Variants in ANKFN1 observed in about 807,000 individuals in gnomAD.
ANKFN1 encodes the protein ankyrin repeat and fibronectin type III domain containing 1.
In ANKFN1, 74 loss-of-function variants were observed where a neutral mutation model predicts 108.7. The observed-to-expected ratio is 0.68, with a 90% CI of 0.56 to 0.83. The LOEUF is 0.83. Ranked by LOEUF, ANKFN1 falls within the 40% of genes least tolerant of loss-of-function variation. The pLI, the probability that ANKFN1 is intolerant of heterozygous loss-of-function variation, is 0.00. For missense variants in ANKFN1, 1,505 were observed against 1,382.3 expected (o/e 1.09, Z -1.41); for synonymous variants, 547 against 516.2 (o/e 1.06, Z -0.81).
chr17:56,239,757 T>A (rs1917442416), intron 3 of ANKFN1, among the ~76,000 whole-genome samples: 1 of 152,038 alleles, frequency 6.6e-6, no homozygotes, highest in Admixed American at 6.6e-5. Flanking sequence ...AAAATTCACA[T>A]GGTTCAAGTC....
chr17:56,258,865 C>T (rs956591284), intron 3 of ANKFN1, among the ~76,000 whole-genome samples: 3 of 152,000 alleles, frequency 2.0e-5, no homozygotes, highest in Admixed American at 2.0e-4. Flanking sequence ...GAGCCAAGAT[C>T]GGGCCACTGC....
At position 56,499,075 on chromosome 17, in the gene ANKFN1, T is replaced by G; in HGVS notation, c.2621T>G (p.Met874Arg). The G allele has an allele frequency of 6.5e-7, 1 of 1,535,442 alleles. No homozygotes were observed. Among genetic ancestry groups the G allele is most frequent in the Non-Finnish European group, 8.7e-7 (1 of 1,146,514 alleles). ...CCATCCCCACCCCCATCCCCAGAGATGCACAGAAGAAAGACAGTGAGTGGT... is the reference window on the plus strand; with the variant it reads ...CCATCCCCACCCCCATCCCCAGAGAGGCACAGAAGAAAGACAGTGAGTGGT... ...CLPSPPPSPE[M>R]HRRKTVSDSQ... The change falls in exon 20 of 21, where the codon ATG becomes AGG. Residue 874 changes from methionine to arginine, a missense_variant. Met to Arg is a moderately conservative substitution (Grantham distance 91, BLOSUM62 -1). Coordinates refer to ENST00000682825, the MANE Select transcript of ANKFN1 (RefSeq NM_001370326.1).
At chr17:56,188,358 T>C (rs1270749156) in intron 1 of ANKFN1, among the ~76,000 whole-genome samples, 1 of 151,714 alleles carries the variant, frequency 6.6e-6, no homozygotes, top group African/African-American at 2.4e-5. Flanking sequence ...GGAATCTCTC[T>C]TAAAATCTTC....
intron 1 of ANKFN1, among the ~76,000 whole-genome samples, chr17:56,198,532 A>G (rs1332652448): frequency 6.6e-6 from 1 of 152,102 alleles, no homozygotes; most frequent in Admixed American, 6.6e-5. Flanking sequence ...CCACCCACCA[A>G]CAGGTACCAG....
rs2051845951 is a variant in ANKFN1, at chr17:56,513,965, A to G, written c.*2696A>G. Among the ~76,000 whole-genome samples the G allele has an allele frequency of 1.3e-5, 2 of 152,200 alleles. No homozygotes were observed. The highest frequency in any genetic ancestry group is 6.5e-5 in the Admixed American group (1 of 15,286). On this transcript the variant is annotated 3_prime_UTR_variant, in exon 21 of 21. Coordinates refer to ENST00000682825, the MANE Select transcript of ANKFN1 (RefSeq NM_001370326.1). ...AATTAATACATTCTTGTGAGAGACA[A>G]CTGTGTTCTCTAATTCACAGTCCTT... is the stretch of plus-strand genomic sequence containing the variant.
chr17:56,135,519 G>A (rs1254058052), intron 4 of ANKFN1, among the ~76,000 whole-genome samples: 1 of 152,158 alleles, frequency 6.6e-6, no homozygotes, highest in East Asian at 1.9e-4. Context: ...AGCAGCTGCT[G>A]AGAAGCCACA....
At chr17:56,307,324 C>A (rs1467449161) in intron 3 of ANKFN1, among the ~76,000 whole-genome samples, 7 of 152,146 alleles carry the variant, frequency 4.6e-5, no homozygotes, top group Admixed American at 4.6e-4. Context: ...TTGCAATCTG[C>A]TCATCTGACA....
At chr17:56,395,667 G>A (rs758656265) in intron 8 of ANKFN1, among the ~76,000 whole-genome samples, 5 of 152,060 alleles carry the variant, frequency 3.3e-5, no homozygotes, top group Admixed American at 6.6e-5. Context: ...TGGCCAACAC[G>A]GAGAAACCCC....
intron 1 of ANKFN1, among the ~76,000 whole-genome samples, chr17:56,167,186 A>C (rs1033830843): frequency 2.0e-5 from 3 of 150,372 alleles, no homozygotes; most frequent in African/African-American, 7.3e-5. Context: ...AACATATATC[A>C]TGTATACATA....
At chr17:56,129,783 C>G (rs1598118947) in intron 4 of ANKFN1, among the ~76,000 whole-genome samples, 1 of 152,154 alleles carries the variant, frequency 6.6e-6, no homozygotes, top group Non-Finnish European at 1.5e-5. Flanking sequence ...AAGCCTTAGA[C>G]CAGCACAATG....
rs147924842 is a variant in ANKFN1, at chr17:56,105,711, C to CTGTGTGTGTGTG, written c.288+59404_288+59415dup. Among the ~76,000 whole-genome samples the CTGTGTGTGTGTG allele has an allele frequency of 3.4e-3, 493 of 144,660 alleles. 2 individuals carry two copies. The highest frequency in any genetic ancestry group is 0.011 in the African/African-American group (437 of 38,758). 94.9% of individuals were successfully genotyped at this position (144,660 alleles called of 152,430 possible). ...TTTGGAGTTTTGGGGGTTTTTTTGTCTGTGTGTGTGTGTGTGTGTGTGTGT... is the reference window on the plus strand; with the variant it reads ...TTTGGAGTTTTGGGGGTTTTTTTGTCTGTGTGTGTGTGTGTGTGTGTGTGTGTGTGTGTGTGT... On this transcript the variant is annotated intron_variant, in intron 4 of 12. Transcript: ENST00000635860.
rs943584575 is a variant in ANKFN1 at position 56,486,160 on chromosome 17, C to T, written c.2260+3636C>T. Among the ~76,000 whole-genome samples, 9 of 152,308 alleles carry T rather than the reference C, an allele frequency of 5.9e-5. No individual in the cohort carries two copies. The South Asian group carries it at 8.3e-4, about 14-fold the overall frequency. On this transcript the variant is annotated intron_variant, in intron 18 of 20. Transcript: ENST00000682825. ...AAATAGGCCATAGATCAAAGCCTGA[C>T]TTTAAGATGGTTTTTTCCTAGAGTA... is the stretch of plus-strand genomic sequence containing the variant.
chr17:56,372,799 A>G lies in ANKFN1; in HGVS notation c.755A>G (p.Tyr252Cys), dbSNP rs1045909617. 2 of 1,614,034 alleles carry G rather than the reference A, an allele frequency of 1.2e-6. No homozygotes were observed. The highest frequency in any genetic ancestry group is 1.7e-5 in the Admixed American group (1 of 60,016). ...EKQLKAWEWR[Y>C]RLYRRMKTGF... Reference sequence around the variant, plus strand: ...CAGCTGAAAGCTTGGGAGTGGAGGTATCGGCTCTACAGACGCATGAAAACA... The same window carrying G: ...CAGCTGAAAGCTTGGGAGTGGAGGTGTCGGCTCTACAGACGCATGAAAACA... Residue 252 changes from tyrosine to cysteine, a missense_variant, in exon 7 of 21, where the codon TAT becomes TGT. Coordinates refer to ENST00000682825, the MANE Select transcript of ANKFN1 (RefSeq NM_001370326.1).
At chr17:56,264,096 G>A (rs772302988) in intron 3 of ANKFN1, among the ~76,000 whole-genome samples, 1 of 152,202 alleles carries the variant, frequency 6.6e-6, no homozygotes, top group Non-Finnish European at 1.5e-5. Context: ...GTTCCTATAG[G>A]AGCTGTCCAC....
chr17:56,431,454 CA>C (rs2048752396), intron 8 of ANKFN1, among the ~76,000 whole-genome samples: 1 of 152,096 alleles, frequency 6.6e-6, no homozygotes, highest in Non-Finnish European at 1.5e-5. Flanking sequence ...AAATGCTCAG[CA>C]AAGGTATCCC....
At chr17:56,477,467 T>C (rs1221326228) in intron 15 of ANKFN1, 21 bp from the exon 16 acceptor site, 3 of 1,502,810 alleles carry the variant, frequency 2.0e-6, no homozygotes, top group African/African-American at 1.4e-5. Flanking sequence ...TTTCTTTTTT[T>C]TTTTTTTTTT....
intron 4 of ANKFN1, among the ~76,000 whole-genome samples, chr17:56,334,615 T>C (rs536378949): frequency 2.5e-3 from 384 of 152,202 alleles, no homozygotes; most frequent in Non-Finnish European, 4.1e-3. Context: ...TTTTGGACAA[T>C]ACATGACTAC....
At chr17:56,090,433 C>T (rs1226196952) in intron 4 of ANKFN1, among the ~76,000 whole-genome samples, 4 of 151,170 alleles carry the variant, frequency 2.6e-5, no homozygotes, top group Non-Finnish European at 4.4e-5. Flanking sequence ...CCATGATCAC[C>T]TAAAGTAGCA....
At chr17:56,153,384 C>T, upstream of ANKFN1, 1 of 1,211,132 alleles carries the variant, frequency 8.3e-7, no homozygotes, top group South Asian at 1.2e-5. Context: ...GAGAGGCAGC[C>T]ATGCTCAGTC....
Sources: allele counts gnomAD v4.1 joint callset (sites outside exome capture counted in the v4.1 genomes callset), GRCh38; gene constraint gnomAD v4.1.1; transcripts MANE v1.5; gene names NCBI Gene and HGNC (gene_info 2026-07-23, HGNC 2026-07-21).